The following SNU13 variants were observed in gnomAD, a reference collection of about 807,000 sequenced individuals.
The protein encoded by SNU13 is NHP2-like protein 1.
Under a neutral mutation model 12.4 loss-of-function variants are expected in SNU13, and 2 were observed. That is an observed-to-expected ratio of 0.16 (90% CI 0.07 to 0.51). The LOEUF is 0.51. Among genes scored for constraint, SNU13 ranks in the 20% least tolerant of loss-of-function variants. The probability of loss-of-function intolerance (pLI) is 0.96; values close to 1 mark genes in which losing one functional copy is unlikely to be tolerated. For synonymous variants in SNU13, 68 were observed against 66.5 expected, an observed-to-expected ratio of 1.02 and a Z score of -0.11; for missense variants, 66 against 157.8, an observed-to-expected ratio of 0.42 and a Z score of 3.12.
chr22:41,680,144 G>A (rs2068249956), intron 2 of SNU13, 100 bp downstream of exon 2: 3 of 1,394,140 alleles, frequency 2.2e-6, no homozygotes, highest in Non-Finnish European at 2.9e-6. Flanking sequence ...TTGTAGTCGA[G>A]AGCAGCTAGC....
intron 1 of SNU13, among the ~76,000 whole-genome samples, chr22:41,683,432 T>C (rs952363480): frequency 4.6e-5 from 7 of 152,118 alleles, no homozygotes; most frequent in African/African-American, 7.2e-5. Context: ...TTAGAGGCAC[T>C]GTCTTATTAT....
At chr22:41,680,637 A>G (rs5758406) in intron 1 of SNU13, among the ~76,000 whole-genome samples, 122,100 of 152,248 alleles carry the variant, frequency 0.8, 49,968 homozygotes, top group East Asian at 0.92. Flanking sequence ...ATATTACAGC[A>G]AATGGATTAC....
At chr22:41,688,650 G>A in intron 1 of SNU13, 144 bp downstream of exon 1, 1 of 1,171,132 alleles carries the variant, frequency 8.5e-7, no homozygotes, top group Admixed American at 2.4e-5. Context: ...CCGCTGCTGG[G>A]GTTCTAACTA....
At chr22:41,684,566 A>T (rs145245229) in intron 1 of SNU13, among the ~76,000 whole-genome samples, 119 of 152,108 alleles carry the variant, frequency 7.8e-4, no homozygotes, top group Non-Finnish European at 1.4e-3. Flanking sequence ...AATCTCTCTG[A>T]TAGTTTATAT....
At chr22:41,679,202 A>C (rs915391739) in intron 2 of SNU13, among the ~76,000 whole-genome samples, 2 of 152,178 alleles carry the variant, frequency 1.3e-5, no homozygotes, top group Non-Finnish European at 2.9e-5. Flanking sequence ...TCAGGTCAGG[A>C]GTTCGAGACC....
At chr22:41,675,744 CTTTT>C (rs113676499) in intron 2 of SNU13, among the ~76,000 whole-genome samples, 8 of 134,328 alleles carry the variant, frequency 6.0e-5, no homozygotes, top group Non-Finnish European at 9.7e-5. Flanking sequence ...TTTTTTCTTT[CTTTT>C]TTTTTTTTTT....
At chr22:41,688,916 C>T (rs182469753), upstream of SNU13, 5 of 1,456,940 alleles carry the variant, frequency 3.4e-6, no homozygotes, top group African/African-American at 4.2e-5. Context: ...CGGCAGGAAG[C>T]GAAGGTGACG....
intron 1 of SNU13, among the ~76,000 whole-genome samples, chr22:41,687,475 C>G (rs982456966): frequency 6.6e-6 from 1 of 152,144 alleles, no homozygotes; most frequent in Non-Finnish European, 1.5e-5. Flanking sequence ...CTAAATGTTT[C>G]ACTATTAGTC....
At chr22:41,679,291 C>T (rs934858800) in intron 2 of SNU13, among the ~76,000 whole-genome samples, 1 of 152,062 alleles carries the variant, frequency 6.6e-6, no homozygotes, top group Admixed American at 6.6e-5. Context: ...CAGTGTCTCA[C>T]GCCTGTAATC....
intron 1 of SNU13, 117 bp from the exon 2 acceptor site, chr22:41,680,481 C>CA: frequency 1.9e-6 from 2 of 1,052,536 alleles, no homozygotes; most frequent in Non-Finnish European, 2.7e-6. Flanking sequence ...CCCTAACCCT[C>CA]AAACACACAA....
At chr22:41,683,265 G>A (rs1391561301) in intron 1 of SNU13, among the ~76,000 whole-genome samples, 3 of 152,188 alleles carry the variant, frequency 2.0e-5, no homozygotes, top group Non-Finnish European at 4.4e-5. Context: ...CTCCCAAAGT[G>A]TTGGGATTAC....
chr22:41,688,356 GGT>G (rs1260598387), intron 1 of SNU13: 1 of 157,846 alleles, frequency 6.3e-6, no homozygotes, highest in Non-Finnish European at 1.4e-5. Flanking sequence ...GGTGGGGTGA[GGT>G]AGGGTGGGTA....
intron 1 of SNU13, among the ~76,000 whole-genome samples, chr22:41,683,156 C>T (rs2068281284): frequency 6.6e-6 from 1 of 152,090 alleles, no homozygotes; most frequent in Non-Finnish European, 1.5e-5. Flanking sequence ...ACAACCACGC[C>T]CGGCTAATTT....
chr22:41,684,302 A>G (rs2068291893), intron 1 of SNU13, among the ~76,000 whole-genome samples: 1 of 152,176 alleles, frequency 6.6e-6, no homozygotes, highest in Non-Finnish European at 1.5e-5. Flanking sequence ...AGTATGCTCT[A>G]CTTTCTATTT....
At chr22:41,680,399 A>G in intron 1 of SNU13, 35 bp from the exon 2 acceptor site, 2 of 1,588,320 alleles carry the variant, frequency 1.3e-6, no homozygotes, top group Non-Finnish European at 1.7e-6. Context: ...AGACAAATTG[A>G]GCCAGAAGTT....
In SNU13 at chr22:41,680,373, G is replaced by GA; in HGVS notation, c.4-10_4-9insT. 1 of 1,602,916 alleles carries GA rather than the reference G, an allele frequency of 6.2e-7. No homozygotes were observed. Among genetic ancestry groups the GA allele is most frequent in the African/African-American group, 1.3e-5 (1 of 74,522 alleles). Reference sequence around the variant, plus strand: ...TTCACATCAGCCTCAGTCTATGGGGGGGACATAAAAATATCAGACAAATTG... The same window carrying GA: ...TTCACATCAGCCTCAGTCTATGGGGGAGGACATAAAAATATCAGACAAATTG... On this transcript the variant is annotated splice_polypyrimidine_tract_variant and intron_variant, in intron 1 of 2. Transcript: ENST00000401959.
At chr22:41,682,970 T>C (rs934073363) in intron 1 of SNU13, among the ~76,000 whole-genome samples, 5 of 151,784 alleles carry the variant, frequency 3.3e-5, no homozygotes, top group Non-Finnish European at 7.4e-5. Context: ...TTAATGTCTA[T>C]AGAGTATGTC....
At chr22:41,689,156 G>A, upstream of SNU13, 1 of 949,740 alleles carries the variant, frequency 1.1e-6, no homozygotes, top group Non-Finnish European at 1.3e-6. Context: ...GAGGACAGGA[G>A]TTCGAGACCA....
chr22:41,681,990 CT>C (rs11314374), intron 1 of SNU13, among the ~76,000 whole-genome samples: 123,577 of 149,754 alleles, frequency 0.83, 51,751 homozygotes, highest in African/African-American at 0.94. Context: ...TAATTTTTCT[CT>C]TTTTTTTTTT....
Sources: gnomAD v4.1 joint callset for allele counts (sites outside exome capture counted in the v4.1 genomes callset) on GRCh38, gnomAD v4.1.1 for gene constraint, MANE v1.5 for transcripts, NCBI Gene and HGNC (gene_info 2026-07-23, HGNC 2026-07-21) for gene names.